Variants in ACYP2 observed in about 807,000 individuals in gnomAD.
ACYP2 encodes acylphosphatase-2.
A neutral mutation model predicts 11.2 loss-of-function variants in ACYP2; 12 were observed. The observed-to-expected ratio is 1.08, with a 90% CI of 0.69 to 1.74. ACYP2 has a LOEUF of 1.74. Among genes scored for constraint, ACYP2 ranks in the 40% most tolerant of loss-of-function variants. The probability of loss-of-function intolerance (pLI) is 0.00; values close to 1 mark genes in which losing one functional copy is unlikely to be tolerated. For synonymous variants in ACYP2, 43 were observed against 32.2 expected, an observed-to-expected ratio of 1.33 and a Z score of -1.13; for missense variants, 134 against 101.9, an observed-to-expected ratio of 1.31 and a Z score of -1.35.
intron 2 of ACYP2, among the ~76,000 whole-genome samples, chr2:54,034,294 G>T (rs1674751516): frequency 6.6e-6 from 1 of 152,216 alleles, no homozygotes; most frequent in Non-Finnish European, 1.5e-5. Context: ...GGAGGCGGAG[G>T]TTGCGGTGAG....
chr2:54,181,528 C>G (rs1019892148), intron 6 of ACYP2, among the ~76,000 whole-genome samples: 11 of 152,190 alleles, frequency 7.2e-5, no homozygotes, highest in African/African-American at 2.7e-4. Context: ...GCATTGTAAG[C>G]ATGACTTTCT....
At chr2:54,231,858 C>A (rs1686250364) in intron 6 of ACYP2, among the ~76,000 whole-genome samples, 1 of 152,196 alleles carries the variant, frequency 6.6e-6, no homozygotes, top group Non-Finnish European at 1.5e-5. Flanking sequence ...AGTGATTTAG[C>A]TTGGAGCATA....
intron 4 of ACYP2, among the ~76,000 whole-genome samples, chr2:54,069,719 GA>G (rs1676929632): frequency 6.6e-6 from 1 of 152,034 alleles, no homozygotes; most frequent in Admixed American, 6.6e-5. Context: ...AGAATGAATG[GA>G]AAGATTCACA....
At chr2:54,034,130 G>T (rs1485743774) in intron 2 of ACYP2, among the ~76,000 whole-genome samples, 1 of 152,158 alleles carries the variant, frequency 6.6e-6, no homozygotes, top group South Asian at 2.1e-4. Context: ...GGCCAAGGTG[G>T]GTGGATCACT....
chr2:53,979,841 G>A (rs979743875), intron 2 of ACYP2, among the ~76,000 whole-genome samples: 1 of 151,554 alleles, frequency 6.6e-6, no homozygotes, highest in Non-Finnish European at 1.5e-5. Context: ...TTAGAGGCTT[G>A]TGCCACCCTG....
At chr2:54,196,574 G>C (rs1684489635) in intron 6 of ACYP2, among the ~76,000 whole-genome samples, 1 of 152,152 alleles carries the variant, frequency 6.6e-6, no homozygotes, top group African/African-American at 2.4e-5. Flanking sequence ...CTCATCATCA[G>C]GATACTGTGC....
intron 4 of ACYP2, among the ~76,000 whole-genome samples, chr2:54,125,083 A>T (rs576480377): frequency 3.5e-4 from 53 of 152,186 alleles, no homozygotes; most frequent in Admixed American, 3.0e-3. Context: ...AACTTTGAAA[A>T]TTTAAACCAA....
At chr2:54,234,922 C>T (rs1006526078) in intron 6 of ACYP2, among the ~76,000 whole-genome samples, 7 of 152,156 alleles carry the variant, frequency 4.6e-5, no homozygotes, top group Admixed American at 2.0e-4. Flanking sequence ...TGATGGGGCT[C>T]TTTTCAAACT....
At chr2:54,102,011 A>G (rs1678920087) in intron 4 of ACYP2, among the ~76,000 whole-genome samples, 2 of 152,180 alleles carry the variant, frequency 1.3e-5, no homozygotes, top group East Asian at 1.9e-4. Context: ...GTGTAATGTC[A>G]TGTATTCACC....
chr2:54,218,261 G>A (rs762350695), intron 6 of ACYP2, among the ~76,000 whole-genome samples: 19 of 152,190 alleles, frequency 1.2e-4, no homozygotes, highest in Non-Finnish European at 2.2e-4. Context: ...CTATGAGACT[G>A]TACACTCTGA....
intron 6 of ACYP2, among the ~76,000 whole-genome samples, chr2:54,226,236 C>T (rs772305512): frequency 2.6e-5 from 4 of 151,680 alleles, no homozygotes; most frequent in African/African-American, 4.8e-5. Flanking sequence ...AAATTGAAAA[C>T]AAAAAAAATA....
At chr2:54,139,220 T>C (rs1681456560) in intron 6 of ACYP2, among the ~76,000 whole-genome samples, 1 of 152,208 alleles carries the variant, frequency 6.6e-6, no homozygotes, top group Non-Finnish European at 1.5e-5. Flanking sequence ...TAATTCTCAT[T>C]TGAAGTGTTG....
At chr2:54,102,257 A>T (rs571308111) in intron 4 of ACYP2, among the ~76,000 whole-genome samples, 1 of 152,358 alleles carries the variant, frequency 6.6e-6, no homozygotes, top group Admixed American at 6.5e-5. Flanking sequence ...CATTTATATT[A>T]GGACAAATAC....
chr2:54,237,347 A>C (rs1056840465), intron 6 of ACYP2, among the ~76,000 whole-genome samples: 1 of 2,816 alleles, frequency 3.6e-4, no homozygotes, highest in African/African-American at 3.4e-3. Context: ...TTAAAAATTT[A>C]GGTTTATCCA....
intron 6 of ACYP2, among the ~76,000 whole-genome samples, chr2:54,150,893 T>C (rs1032776700): frequency 6.6e-6 from 1 of 151,542 alleles, no homozygotes; most frequent in African/African-American, 2.4e-5. Context: ...AGGCGCCCAC[T>C]ACCACGCCCG....
chr2:54,031,397 T>C (rs1240460875), intron 2 of ACYP2, among the ~76,000 whole-genome samples: 1 of 151,744 alleles, frequency 6.6e-6, no homozygotes, highest in Non-Finnish European at 1.5e-5. Context: ...GTCCTTGCGA[T>C]AGTTTGCTCA....
At chr2:54,029,420 C>CAT (rs1357883392) in intron 2 of ACYP2, 24 of 194,162 alleles carry the variant, frequency 1.2e-4, no homozygotes, top group African/African-American at 5.2e-4. Context: ...CATATATATA[C>CAT]ATATATATAC....
At chr2:54,202,566 C>G (rs1308224165) in intron 6 of ACYP2, among the ~76,000 whole-genome samples, 1 of 151,132 alleles carries the variant, frequency 6.6e-6, no homozygotes, top group Non-Finnish European at 1.5e-5. Context: ...CACCAATACG[C>G]CTGGCTAATT....
rs548811755 is a variant in ACYP2, at chr2:54,072,193, A to G, written c.277+14833A>G. 3.7e-3 allele frequency among the ~76,000 whole-genome samples: 563 copies of G among 152,344 alleles called. 8 individuals are homozygous for G. Among genetic ancestry groups the G allele is most frequent in the Non-Finnish European group, 3.6e-3 (246 of 68,036 alleles). On this transcript the variant is annotated intron_variant, in intron 4 of 6. Transcript: ENST00000607452. ...AATTAAAGAAGATCTAAATAAATGG[A>G]AAGACATCCCATGTTCATGAATTAG...
Sources: allele counts gnomAD v4.1 joint callset (sites outside exome capture counted in the v4.1 genomes callset), GRCh38; gene constraint gnomAD v4.1.1; transcripts MANE v1.5; gene names NCBI Gene and HGNC (gene_info 2026-07-23, HGNC 2026-07-21).